The following C7 variants were observed in gnomAD, a reference collection of about 807,000 sequenced individuals.
The protein encoded by C7 is complement C7.
In C7, 83 loss-of-function variants were observed where a neutral mutation model predicts 104.8. The ratio of observed to expected loss-of-function variants is 0.79; its 90% CI spans 0.66 to 0.95. C7 has a LOEUF of 0.95. Among genes scored for constraint, C7 ranks in the 40% least tolerant of loss-of-function variants. C7 has a pLI of 0.00. For synonymous variants in C7, 415 were observed against 360.6 expected, an observed-to-expected ratio of 1.15 and a Z score of -1.71; for missense variants, 1,070 against 1,011.2, an observed-to-expected ratio of 1.06 and a Z score of -0.79.
In C7 at chr5:40,920,658, G is replaced by T. The variant is rs1056076437; in HGVS notation, c.7-7922G>T. Among the ~76,000 whole-genome samples the T allele has an allele frequency of 2.0e-5, 3 of 151,128 alleles. No individual in the cohort carries two copies. The East Asian group carries it at 5.8e-4, about 29-fold the overall frequency. ...TCAATATAATACTGAAAGTCCTAACGATAGCAATTAGGCAAGACAACAAAA... is the reference window on the plus strand; with the variant it reads ...TCAATATAATACTGAAAGTCCTAACTATAGCAATTAGGCAAGACAACAAAA... On this transcript the variant is annotated intron_variant, in intron 1 of 17. Coordinates refer to ENST00000313164, the MANE Select transcript of C7 (RefSeq NM_000587.4).
At position 40,936,265 on chromosome 5, in the gene C7, C is replaced by T. The variant is rs1194998049; in HGVS notation, c.281-73C>T. The T allele has an allele frequency of 5.6e-6, 8 of 1,435,254 alleles. No homozygotes were observed. The African/African-American group carries it at 9.8e-5, about 18-fold the overall frequency. The allele number at this position is 1,435,254 out of a possible 1,614,324, so 88.9% of individuals were successfully genotyped here. A position where few individuals can be genotyped will look rare whatever the true frequency, so the allele number is the denominator to read the frequency against. On this transcript the variant is annotated intron_variant, in intron 4 of 17. Coordinates refer to ENST00000313164, the MANE Select transcript of C7 (RefSeq NM_000587.4). ...TGCAGTGTTACAGGTAGCAGGAAAA[C>T]CCTTTTTGGTCCTGGGTAGTGTTTC...
rs376674018 is a variant in C7, at chr5:40,934,334, C to T, written c.148C>T (p.Arg50Trp). The T allele has an allele frequency of 4.8e-5, 77 of 1,592,564 alleles. No individual in the cohort carries two copies. The highest frequency in any genetic ancestry group is 6.1e-5 in the Non-Finnish European group (71 of 1,168,404). ...CCTGCTTTGTGTTTAGACTCGCAGG[C>T]GGTCAGTTGCTGTGTATGGGCAGTA... ...NGCTKTQTRR[R>W]SVAVYGQYGG... Residue 50 changes from arginine (R) to tryptophan (W), a missense_variant, in exon 4 of 18, where the codon CGG (arginine) becomes TGG (tryptophan). Coordinates refer to ENST00000313164, the MANE Select transcript of C7 (RefSeq NM_000587.4).
chr5:40,926,922 A>T (rs1242068522), intron 1 of C7, among the ~76,000 whole-genome samples: 1 of 152,184 alleles, frequency 6.6e-6, no homozygotes, highest in African/African-American at 2.4e-5. Context: ...GGAATCACAA[A>T]AAAACCCAAA....
intron 13 of C7, among the ~76,000 whole-genome samples, chr5:40,964,271 G>C (rs1434690459): frequency 2.6e-5 from 4 of 151,782 alleles, no homozygotes; most frequent in African/African-American, 4.8e-5. Flanking sequence ...TCGAACTCCT[G>C]ATCTCAGGTG....
Position 40,955,567 on chromosome 5 carries a change from T to G in C7, c.1260+14T>G. The stretch of plus-strand genomic sequence containing the variant: ...ATAAAACAAAAGGTATGTCAGGCTT[T>G]GTTTAAAGCAATAGGAAGCAGTCAT... On this transcript the variant is annotated intron_variant, in intron 10 of 17. Coordinates refer to ENST00000313164, the MANE Select transcript of C7 (RefSeq NM_000587.4). 1 of 1,604,272 alleles carries G rather than the reference T, an allele frequency of 6.2e-7. No individual in the cohort carries two copies. The highest frequency in any genetic ancestry group is 8.5e-7 in the Non-Finnish European group (1 of 1,175,052).
At chr5:40,956,148 A>G (rs1033083195) in intron 10 of C7, among the ~76,000 whole-genome samples, 1 of 152,240 alleles carries the variant, frequency 6.6e-6, no homozygotes, top group South Asian at 2.1e-4. Flanking sequence ...TGTCACACTC[A>G]TATGAAAAAG....
chr5:40,943,873 A>G (rs573364824), intron 6 of C7, among the ~76,000 whole-genome samples: 26 of 152,180 alleles, frequency 1.7e-4, no homozygotes, highest in South Asian at 1.7e-3. Context: ...CTAATACTCA[A>G]TGGGGGTAGT....
chr5:40,912,496 A>T (rs1432968091), intron 1 of C7, among the ~76,000 whole-genome samples: 1 of 151,808 alleles, frequency 6.6e-6, no homozygotes, highest in Non-Finnish European at 1.5e-5. Context: ...CTCCCACCTT[A>T]GTCTTCTGAG....
chr5:40,915,588 C>T (rs114105249), intron 1 of C7, among the ~76,000 whole-genome samples: 1,962 of 152,192 alleles, frequency 0.013, 55 homozygotes, highest in African/African-American at 0.046. Context: ...AAAAAACACA[C>T]CCCACATAGC....
chr5:40,966,088 T>C (rs569521833), intron 14 of C7, among the ~76,000 whole-genome samples: 1 of 152,054 alleles, frequency 6.6e-6, no homozygotes, highest in Non-Finnish European at 1.5e-5. Context: ...TCTTATTTTT[T>C]AATTTAATTT....
intron 9 of C7, among the ~76,000 whole-genome samples, chr5:40,953,587 GCTGAGATAGTGCCACTGCA>G (rs1740223267): frequency 7.0e-6 from 1 of 143,456 alleles, no homozygotes; most frequent in Non-Finnish European, 1.5e-5. Flanking sequence ...GTTGCAGTGA[GCTGAGATAGTGCCACTGCA>G]CTGCAGCCTA....
intron 14 of C7, among the ~76,000 whole-genome samples, chr5:40,968,027 T>C (rs1740595969): frequency 6.6e-6 from 1 of 152,216 alleles, no homozygotes; most frequent in Admixed American, 6.5e-5. Flanking sequence ...CTTGTCCTTA[T>C]GGGACACAAA....
At chr5:40,928,516 G>T (rs1363429529) in intron 1 of C7, 64 bp from the exon 2 acceptor site, 1 of 895,990 alleles carries the variant, frequency 1.1e-6, no homozygotes, top group African/African-American at 1.7e-5. Context: ...ATTATAAATT[G>T]TCAATTTATA....
chr5:40,955,659 G>C (rs977223708), intron 10 of C7, 106 bp downstream of exon 10: 1 of 920,598 alleles, frequency 1.1e-6, no homozygotes, highest in African/African-American at 1.7e-5. Flanking sequence ...GCTGTAATTA[G>C]CATTTTCCGT....
intron 1 of C7, among the ~76,000 whole-genome samples, chr5:40,910,791 C>CAAAAAAAAAAAA (rs35542606): frequency 4.5e-5 from 4 of 88,600 alleles, no homozygotes; most frequent in Non-Finnish European, 7.0e-5. Context: ...GACTCTCTCT[C>CAAAAAAAAAAAA]AAAAAAAAAA....
chr5:40,970,394 C>A (rs1376313458), intron 14 of C7, among the ~76,000 whole-genome samples: 2 of 151,438 alleles, frequency 1.3e-5, no homozygotes, highest in Admixed American at 1.3e-4. Context: ...TTTCTCTGTT[C>A]TTTTTTGAAG....
intron 5 of C7, 85 bp from the exon 6 acceptor site, chr5:40,937,467 T>A: frequency 7.2e-7 from 1 of 1,382,356 alleles, no homozygotes. Context: ...TAGAGTTCTG[T>A]AATAAACTTT....
chr5:40,979,570 G>T (rs1157918203), intron 16 of C7, among the ~76,000 whole-genome samples, 155 bp from the exon 17 acceptor site: 1 of 148,770 alleles, frequency 6.7e-6, no homozygotes, highest in East Asian at 2.0e-4. Flanking sequence ...GTTGGACCTA[G>T]GAATGAAGGG....
At chr5:40,962,899 C>T (rs1740453145) in intron 13 of C7, among the ~76,000 whole-genome samples, 1 of 152,154 alleles carries the variant, frequency 6.6e-6, no homozygotes. Context: ...CTTGAACATG[C>T]ATTCACTGAA....
Sources: allele counts gnomAD v4.1 joint callset (sites outside exome capture counted in the v4.1 genomes callset), GRCh38; gene constraint gnomAD v4.1.1; transcripts MANE v1.5; gene names NCBI Gene and HGNC (gene_info 2026-07-23, HGNC 2026-07-21).